LGMN: variants seen among roughly 807,000 people sequenced by gnomAD.
LGMN encodes legumain.
A neutral mutation model predicts 56.8 loss-of-function variants in LGMN; 36 were observed. The ratio of observed to expected loss-of-function variants is 0.63; its 90% CI spans 0.49 to 0.84. The LOEUF (loss-of-function observed/expected upper bound fraction) is 0.84, where lower values mean the gene tolerates loss of function less well. Among genes scored for constraint, LGMN ranks in the 40% least tolerant of loss-of-function variants. LGMN has a pLI of 0.00. For synonymous variants in LGMN, 199 were observed against 210.1 expected (o/e 0.95, Z 0.46); for missense variants, 446 against 556.1 (o/e 0.80, Z 1.99).
intron 1 of LGMN, among the ~76,000 whole-genome samples, chr14:92,735,625 C>A (rs767379089): frequency 1.3e-5 from 2 of 152,182 alleles, no homozygotes; most frequent in Admixed American, 6.5e-5. Context: ...CTCAACCCAG[C>A]ATCCTGGTCA....
intron 1 of LGMN, among the ~76,000 whole-genome samples, chr14:92,742,458 A>G (rs2140281583): frequency 6.6e-6 from 1 of 152,056 alleles, no homozygotes; most frequent in African/African-American, 2.4e-5. Context: ...CCACCATGCC[A>G]GCTAATTTTT....
intron 2 of LGMN, among the ~76,000 whole-genome samples, chr14:92,725,538 T>C (rs1242111): frequency 0.49 from 74,864 of 151,950 alleles, 20,432 homozygotes; most frequent in East Asian, 0.83. Context: ...AATAAGACCC[T>C]GTTGCTGAAA....
intron 1 of LGMN, among the ~76,000 whole-genome samples, chr14:92,747,362 G>A (rs1242372336): frequency 6.6e-6 from 1 of 151,988 alleles, no homozygotes; most frequent in Non-Finnish European, 1.5e-5. Flanking sequence ...ATGGTGGCAG[G>A]TGCCTGTAAT....
chr14:92,727,854 C>T (rs1283508738), intron 2 of LGMN, among the ~76,000 whole-genome samples: 4 of 152,170 alleles, frequency 2.6e-5, no homozygotes, highest in African/African-American at 9.7e-5. Context: ...GGCCCTGACT[C>T]CCCATTCTCC....
At chr14:92,722,376 T>A (rs147005620) in intron 2 of LGMN, among the ~76,000 whole-genome samples, 11 of 151,930 alleles carry the variant, frequency 7.2e-5, no homozygotes, top group South Asian at 2.1e-4. Context: ...AGGTCAGGAG[T>A]TCGAGACCAG....
intron 1 of LGMN, among the ~76,000 whole-genome samples, chr14:92,736,482 G>C (rs796418141): frequency 8.3e-4 from 127 of 152,190 alleles, no homozygotes; most frequent in African/African-American, 2.7e-3. Flanking sequence ...TGTAATCCCA[G>C]CTACTCAGGA....
chr14:92,709,682 C>T lies in LGMN; in HGVS notation c.1010G>A (p.Arg337Gln), dbSNP rs767657009. 58 of 1,612,872 alleles carry T rather than the reference C, an allele frequency of 3.6e-5. No individual in the cohort carries two copies. Among genetic ancestry groups the T allele is most frequent in the African/African-American group, 1.7e-4 (13 of 74,892 alleles). The change falls in exon 11 of 14, where the codon CGG (arginine) becomes CAG (glutamine). Residue 337 changes from arginine (R) to glutamine (Q), a missense_variant. Transcript: ENST00000334869. ...TTCACCACTACTCACATCCAGATGC[C>T]GCTGGATCTCCTCCGTGAGCTGCCT... ...ESRQLTEEIQ[R>Q]HLDARHLIEK...
intron 6 of LGMN, 36 bp from the exon 7 acceptor site, chr14:92,713,921 A>G (rs777346315): frequency 1.1e-5 from 16 of 1,507,670 alleles, no homozygotes; most frequent in Non-Finnish European, 1.4e-5. Context: ...CAACACATCA[A>G]GAGAAACTAT....
rs764391056 is a variant in LGMN, at chr14:92,709,661, C to T, written c.1020+11G>A. ...CAGCACCTGGGCACAGCTCCTTTCA[C>T]CACTACTCACATCCAGATGCCGCTG... On this transcript the variant is annotated intron_variant, in intron 11 of 13. Transcript: ENST00000334869. 1 of 1,611,456 alleles carries T rather than the reference C, an allele frequency of 6.2e-7. No homozygotes were observed. The highest frequency in any genetic ancestry group is 8.5e-7 in the Non-Finnish European group (1 of 1,178,876).
At chr14:92,724,673 G>C (rs1051525545) in intron 2 of LGMN, among the ~76,000 whole-genome samples, 2 of 152,232 alleles carry the variant, frequency 1.3e-5, no homozygotes, top group African/African-American at 4.8e-5. Flanking sequence ...ATGACAAACA[G>C]AGATTGTGAC....
At chr14:92,722,387 G>A (rs994538996) in intron 2 of LGMN, among the ~76,000 whole-genome samples, 1 of 151,878 alleles carries the variant, frequency 6.6e-6, no homozygotes, top group African/African-American at 2.4e-5. Context: ...TCGAGACCAG[G>A]CTGGCCAATA....
intron 8 of LGMN, 51 bp downstream of exon 8, chr14:92,712,754 T>C (rs1889849733): frequency 6.4e-7 from 1 of 1,570,152 alleles, no homozygotes; most frequent in East Asian, 2.3e-5. Context: ...CAGCGGTGTC[T>C]GAGCAACCTG....
chr14:92,728,238 A>G (rs1465583110), intron 2 of LGMN, among the ~76,000 whole-genome samples: 1 of 152,248 alleles, frequency 6.6e-6, no homozygotes, highest in African/African-American at 2.4e-5. Context: ...GTTCCAGCTT[A>G]GATCACTAGG....
At chr14:92,731,675 AT>A (rs1891053795) in intron 2 of LGMN, among the ~76,000 whole-genome samples, 1 of 152,142 alleles carries the variant, frequency 6.6e-6, no homozygotes, top group Non-Finnish European at 1.5e-5. Flanking sequence ...AATAAATCAC[AT>A]TGTGTTTCTC....
intron 1 of LGMN, among the ~76,000 whole-genome samples, chr14:92,738,936 T>C (rs1891425831): frequency 6.6e-6 from 1 of 151,530 alleles, no homozygotes; most frequent in Admixed American, 6.6e-5. Context: ...GGGGAATCGC[T>C]TGGACCTGGG....
intron 12 of LGMN, among the ~76,000 whole-genome samples, chr14:92,705,456 C>G (rs1889380257): frequency 6.6e-6 from 1 of 151,794 alleles, no homozygotes; most frequent in South Asian, 2.1e-4. Context: ...GAGCTGAGAT[C>G]ACACCACTGC....
In LGMN at chr14:92,714,546, G is replaced by T; in HGVS notation, c.405-95C>A. On this transcript the variant is annotated intron_variant, in intron 5 of 13. Coordinates refer to ENST00000334869, the MANE Select transcript of LGMN (RefSeq NM_005606.7). The surrounding 1 kb of genome is among the most constrained non-coding windows in gnomAD (Gnocchi z 5.1). ...CCCTAATCAAAAAATTAAGAAGTTTGGGGAGTAGAGTTGCCCAACCAGGTT... is the reference window on the plus strand; with the variant it reads ...CCCTAATCAAAAAATTAAGAAGTTTTGGGAGTAGAGTTGCCCAACCAGGTT... 1.1e-6 allele frequency: 1 copy of T among 920,242 alleles called. No homozygotes were observed. The allele number at this position is 920,242 out of a possible 1,614,324, so 57.0% of individuals were successfully genotyped here.
chr14:92,742,635 C>T (rs1181758590), intron 1 of LGMN, among the ~76,000 whole-genome samples: 2 of 152,124 alleles, frequency 1.3e-5, no homozygotes, highest in African/African-American at 4.8e-5. Context: ...CTGGCATATG[C>T]CTGCAGTCCC....
chr14:92,718,609 G>A, intron 3 of LGMN, 138 bp downstream of exon 3: 1 of 492,536 alleles, frequency 2.0e-6, no homozygotes. Context: ...CTCAACATGA[G>A]GTATCCCTGT....
Sources: gnomAD v4.1 joint callset for allele counts (sites outside exome capture counted in the v4.1 genomes callset) on GRCh38, gnomAD v4.1.1 for gene constraint, Gnocchi (gnomAD v3.1) non-coding constraint, MANE v1.5 for transcripts, NCBI Gene and HGNC (gene_info 2026-07-23, HGNC 2026-07-21) for gene names.